The following TMEM178B variants were observed in gnomAD, a reference collection of about 807,000 sequenced individuals.
TMEM178B encodes the protein transmembrane protein 178B.
Under a neutral mutation model 31.0 loss-of-function variants are expected in TMEM178B, and 5 were observed. The observed-to-expected ratio is 0.16, with a 90% CI of 0.08 to 0.34. The LOEUF (loss-of-function observed/expected upper bound fraction) is 0.34. TMEM178B is among the 10% of genes least tolerant of loss of function. TMEM178B has a pLI of 1.00. For missense variants in TMEM178B, 275 were observed against 400.3 expected (o/e 0.69, Z 2.67); for synonymous variants, 164 against 164.0 (o/e 1.00, Z 0.00).
intron 1 of TMEM178B, among the ~76,000 whole-genome samples, chr7:141,157,406 C>T (rs145994647): frequency 2.7e-3 from 403 of 151,522 alleles, no homozygotes; most frequent in Non-Finnish European, 4.7e-3. Flanking sequence ...CAGATCCTCT[C>T]TTTCCTACTC....
intron 1 of TMEM178B, among the ~76,000 whole-genome samples, chr7:141,082,082 T>A (rs1794695313): frequency 6.6e-6 from 1 of 152,246 alleles, no homozygotes; most frequent in Non-Finnish European, 1.5e-5. Flanking sequence ...CTATACCACA[T>A]AACCTTGGTG....
At chr7:141,458,874 G>GCA (rs920794346) in intron 3 of TMEM178B, among the ~76,000 whole-genome samples, 5 of 151,648 alleles carry the variant, frequency 3.3e-5, no homozygotes, top group Middle Eastern at 3.4e-3. Flanking sequence ...CTGTGCGCAC[G>GCA]CACACACACA....
chr7:141,440,849 G>A (rs10227323), intron 3 of TMEM178B, among the ~76,000 whole-genome samples: 8,427 of 152,202 alleles, frequency 0.055, 626 homozygotes, highest in African/African-American at 0.17. Context: ...GTCCTGGTGC[G>A]TTGTTACTTG....
intron 2 of TMEM178B, among the ~76,000 whole-genome samples, chr7:141,368,173 G>T (rs1404174112): frequency 2.6e-5 from 4 of 152,206 alleles, no homozygotes; most frequent in Admixed American, 2.6e-4. Context: ...ACAAAAATCA[G>T]CAGGGCATGG....
chr7:141,079,139 T>C lies in TMEM178B; in HGVS notation c.382+4447T>C, dbSNP rs146782109. On this transcript the variant is annotated intron_variant, in intron 1 of 3. Coordinates refer to ENST00000565468, the MANE Select transcript of TMEM178B (RefSeq NM_001195278.2). ...CCATCTCTAGTAAAAATACAAAAAT[T>C]AGCTGGGCATGGTGGTGTGTGTCTG... 3.2e-3 allele frequency among the ~76,000 whole-genome samples: 485 copies of C among 152,118 alleles called. 3 individuals carry two copies. Among genetic ancestry groups the C allele is most frequent in the Middle Eastern group, 0.01 (3 of 292 alleles).
chr7:141,467,249 T>C (rs1017758494), intron 3 of TMEM178B, among the ~76,000 whole-genome samples: 3 of 152,130 alleles, frequency 2.0e-5, no homozygotes, highest in African/African-American at 7.2e-5. Context: ...GTCTGAGCCC[T>C]AGTGCACAAC....
chr7:141,407,914 A>T (rs180868229), intron 2 of TMEM178B, among the ~76,000 whole-genome samples: 1 of 152,316 alleles, frequency 6.6e-6, no homozygotes, highest in Admixed American at 6.5e-5. Flanking sequence ...ATGATGCTTT[A>T]AAGTTGAAGA....
At chr7:141,077,939 A>G (rs1015906698) in intron 1 of TMEM178B, among the ~76,000 whole-genome samples, 1 of 152,222 alleles carries the variant, frequency 6.6e-6, no homozygotes, top group Non-Finnish European at 1.5e-5. Context: ...ACATGTCACT[A>G]AGCAGACACA....
chr7:141,097,793 C>CTTTTTTTTTTTT (rs552569756), intron 1 of TMEM178B, among the ~76,000 whole-genome samples: 6 of 125,938 alleles, frequency 4.8e-5, no homozygotes, highest in African/African-American at 1.3e-4. Context: ...TTCTTTCTTT[C>CTTTTTTTTTTTT]TTTTTTTTTT....
intron 1 of TMEM178B, among the ~76,000 whole-genome samples, chr7:141,146,086 C>T (rs922153834): frequency 1.3e-4 from 20 of 152,194 alleles, no homozygotes; most frequent in Non-Finnish European, 2.2e-4. Flanking sequence ...TAATAAAGCT[C>T]GGCAAAGTAG....
chr7:141,327,474 G>C (rs948953692), intron 2 of TMEM178B, among the ~76,000 whole-genome samples: 5 of 152,094 alleles, frequency 3.3e-5, no homozygotes, highest in Non-Finnish European at 5.9e-5. Context: ...GCCTACATTG[G>C]AACATTATTA....
intron 2 of TMEM178B, among the ~76,000 whole-genome samples, chr7:141,398,358 GTT>G (rs912148893): frequency 6.6e-6 from 1 of 152,138 alleles, no homozygotes; most frequent in Admixed American, 6.5e-5. Flanking sequence ...GGGATCCTCT[GTT>G]TTGCTGTGCT....
the TMEM178B span, among the ~76,000 whole-genome samples, chr7:141,493,668 C>T: frequency 6.6e-6 from 1 of 152,190 alleles, no homozygotes; most frequent in Non-Finnish European, 1.5e-5. Context: ...CTGACGTGAA[C>T]ATGAAGCAAG....
intron 2 of TMEM178B, among the ~76,000 whole-genome samples, chr7:141,261,659 G>A (rs1256444568): frequency 4.6e-5 from 7 of 152,116 alleles, no homozygotes; most frequent in South Asian, 2.1e-4. Context: ...CTCCGGCCCC[G>A]CTCCAGGTCC....
chr7:141,237,402 A>C (rs545212003), intron 2 of TMEM178B, among the ~76,000 whole-genome samples: 1 of 152,386 alleles, frequency 6.6e-6, no homozygotes, highest in South Asian at 2.1e-4. Context: ...AGAGTGTGCT[A>C]TAACCATTAA....
At chr7:141,153,071 C>G (rs28702687) in intron 1 of TMEM178B, among the ~76,000 whole-genome samples, 25 of 152,178 alleles carry the variant, frequency 1.6e-4, no homozygotes, top group African/African-American at 6.0e-4. Flanking sequence ...AACTGTTCTT[C>G]TTTCAGATGA....
intron 1 of TMEM178B, among the ~76,000 whole-genome samples, chr7:141,075,352 A>C (rs1334159125): frequency 6.6e-6 from 1 of 152,214 alleles, no homozygotes; most frequent in Non-Finnish European, 1.5e-5. Flanking sequence ...GTAAAAAAAA[A>C]ATAGTTCTTT....
At chr7:141,285,928 T>A (rs217010) in intron 2 of TMEM178B, among the ~76,000 whole-genome samples, 78,186 of 151,754 alleles carry the variant, frequency 0.52, 20,320 homozygotes, top group Admixed American at 0.55. Flanking sequence ...AACATCACAC[T>A]CCAGGGCCTG....
In TMEM178B at chr7:141,451,805, C is replaced by G. The variant is rs140974580; in HGVS notation, c.634+14060C>G. On this transcript the variant is annotated intron_variant, in intron 3 of 3. Coordinates refer to ENST00000565468, the MANE Select transcript of TMEM178B (RefSeq NM_001195278.2). ...GGGCTTATGAGGCAGAAAGGATAATCCTTACTTATTACTTCTAGAGCTCCA... is the reference window on the plus strand; with the variant it reads ...GGGCTTATGAGGCAGAAAGGATAATGCTTACTTATTACTTCTAGAGCTCCA... 5.9e-3 allele frequency among the ~76,000 whole-genome samples: 901 copies of G among 152,274 alleles called. 15 individuals carry two copies. The highest frequency in any genetic ancestry group is 0.021 in the African/African-American group (865 of 41,554).
Sources: gnomAD v4.1 joint callset for allele counts (sites outside exome capture counted in the v4.1 genomes callset) on GRCh38, gnomAD v4.1.1 for gene constraint, MANE v1.5 for transcripts, NCBI Gene and HGNC (gene_info 2026-07-23, HGNC 2026-07-21) for gene names.